IQCH: variants seen among roughly 807,000 people sequenced by gnomAD.
The protein encoded by IQCH is IQ domain-containing protein H.
A neutral mutation model predicts 117.0 loss-of-function variants in IQCH; 98 were observed. The ratio of observed to expected loss-of-function variants is 0.84; its 90% CI spans 0.71 to 0.99. The LOEUF is 0.99. IQCH is among the 50% of genes least tolerant of loss of function. IQCH has a pLI of 0.00. For synonymous variants in IQCH, 412 were observed against 448.2 expected, an observed-to-expected ratio of 0.92 and a Z score of 1.02; for missense variants, 1,102 against 1,243.8, an observed-to-expected ratio of 0.89 and a Z score of 1.72.
chr15:67,313,249 C>T (rs28376286), intron 4 of IQCH, among the ~76,000 whole-genome samples: 95 of 152,162 alleles, frequency 6.2e-4, no homozygotes, highest in African/African-American at 2.1e-3. Flanking sequence ...TAGAAAGAGC[C>T]GTAGATGGAG....
intron 4 of IQCH, among the ~76,000 whole-genome samples, chr15:67,293,373 C>T (rs1427756191): frequency 6.6e-6 from 1 of 152,034 alleles, no homozygotes; most frequent in Admixed American, 6.6e-5. Flanking sequence ...CCATGATCTC[C>T]CTTGGATACT....
intron 4 of IQCH, among the ~76,000 whole-genome samples, chr15:67,334,112 A>G (rs2140648531): frequency 6.6e-6 from 1 of 152,318 alleles, no homozygotes; most frequent in East Asian, 1.9e-4. Context: ...TAAAGTTCTG[A>G]ATTCCAGTTG....
rs574870380 is a variant in IQCH, at chr15:67,416,761, A to C, written c.2098-170A>C. Among the ~76,000 whole-genome samples the C allele has an allele frequency of 1.3e-5, 2 of 152,232 alleles. No individual in the cohort carries two copies. Among genetic ancestry groups the C allele is most frequent in the African/African-American group, 4.8e-5 (2 of 41,554 alleles). On this transcript the variant is annotated intron_variant, in intron 14 of 20. Coordinates refer to ENST00000335894, the MANE Select transcript of IQCH (RefSeq NM_001031715.3). This position sits in a 1 kb window ranked among gnomAD's most constrained non-coding sequence, Gnocchi z 5.1. ...GCCAAATCACTTTTGAAATATGAAA[A>C]CTGAAATGGCTGAAAAAAGAGAGAA...
chr15:67,373,579 C>T (rs765340234), intron 10 of IQCH, 146 bp downstream of exon 10: 21 of 699,160 alleles, frequency 3.0e-5, no homozygotes, highest in Non-Finnish European at 4.9e-5. Context: ...AGTAATAACA[C>T]AGGACCCTCG....
intron 4 of IQCH, among the ~76,000 whole-genome samples, chr15:67,288,708 GT>G (rs1567067621): frequency 6.6e-6 from 1 of 152,072 alleles, no homozygotes. Flanking sequence ...GCCACTCTGT[GT>G]CTTTTGATTG....
intron 4 of IQCH, among the ~76,000 whole-genome samples, chr15:67,321,879 G>A (rs1431585884): frequency 1.3e-5 from 2 of 152,074 alleles, no homozygotes; most frequent in African/African-American, 4.8e-5. Context: ...TTATTTTATG[G>A]CCTAGGACAT....
At position 67,436,162 on chromosome 15, in the gene IQCH, TC is replaced by T. The variant is rs549828973; in HGVS notation, c.2505+14586del. ...ACACACAAGCTTGATGGCTCCATAT[TC>T]AATAAATGTATTATCGAGACCCACT... is the stretch of plus-strand genomic sequence containing the variant. On this transcript the variant is annotated intron_variant, in intron 16 of 20. Transcript: ENST00000335894. The surrounding 1 kb of genome is among the most constrained non-coding windows in gnomAD (Gnocchi z 5.1). Among the ~76,000 whole-genome samples, 939 of 152,218 alleles carry T rather than the reference TC, an allele frequency of 6.2e-3. 5 individuals carry two copies. Among genetic ancestry groups the T allele is most frequent in the Non-Finnish European group, 0.01 (697 of 68,016 alleles).
chr15:67,368,276 G>C (rs1970404297), intron 8 of IQCH, among the ~76,000 whole-genome samples: 1 of 152,168 alleles, frequency 6.6e-6, no homozygotes, highest in African/African-American at 2.4e-5. Context: ...TAAAATTCAG[G>C]CCTGTGACTA....
At chr15:67,259,703 G>T (rs1289063965) in intron 1 of IQCH, among the ~76,000 whole-genome samples, 1 of 152,220 alleles carries the variant, frequency 6.6e-6, no homozygotes, top group East Asian at 1.9e-4. Flanking sequence ...TTCAAAGGAG[G>T]AACCAAAAAA....
chr15:67,319,784 GA>G (rs1254476701), intron 4 of IQCH, among the ~76,000 whole-genome samples: 1 of 152,114 alleles, frequency 6.6e-6, no homozygotes, highest in African/African-American at 2.4e-5. Context: ...GGCTCTTTCA[GA>G]ATTTGAAGAT....
rs138337530 is a variant in IQCH at position 67,286,473 on chromosome 15, A to C, written c.387+6961A>C. ...GCCAGGACTTCCCATTCTGTGTTGA[A>C]TAACAGTGGTGAAAGTGGGCGTCCT... On this transcript the variant is annotated intron_variant, in intron 4 of 20. Transcript: ENST00000335894. Among the ~76,000 whole-genome samples, 254 of 152,288 alleles carry C rather than the reference A, an allele frequency of 1.7e-3. 3 individuals carry two copies. The highest frequency in any genetic ancestry group is 0.014 in the East Asian group (74 of 5,190).
intron 12 of IQCH, among the ~76,000 whole-genome samples, chr15:67,394,326 T>C (rs1401023791): frequency 1.3e-5 from 2 of 152,166 alleles, no homozygotes; most frequent in African/African-American, 4.8e-5. Flanking sequence ...TCTCATTTAA[T>C]CCTTACAGCA....
chr15:67,460,849 G>A (rs550056201), intron 16 of IQCH, among the ~76,000 whole-genome samples: 1 of 152,264 alleles, frequency 6.6e-6, no homozygotes, highest in African/African-American at 2.4e-5. Flanking sequence ...AACCTTCAGT[G>A]ATATTTTTCC....
chr15:67,378,004 G>A (rs1344300690), intron 10 of IQCH, among the ~76,000 whole-genome samples: 2 of 152,064 alleles, frequency 1.3e-5, no homozygotes, highest in Non-Finnish European at 2.9e-5. Context: ...CAGCTCATGT[G>A]TACTTTCACA....
intron 16 of IQCH, among the ~76,000 whole-genome samples, chr15:67,434,851 C>T (rs1596368669): frequency 6.8e-6 from 1 of 147,952 alleles, no homozygotes; most frequent in East Asian, 2.0e-4. Flanking sequence ...TGGCGTGGCT[C>T]ACTGCAACCT....
Position 67,490,504 on chromosome 15 carries a change from T to G in IQCH, c.2861+440T>G, listed in dbSNP as rs961904810. Among the ~76,000 whole-genome samples, 34 of 152,154 alleles carry G rather than the reference T, an allele frequency of 2.2e-4. No homozygotes were observed. The highest frequency in any genetic ancestry group is 2.6e-4 in the Non-Finnish European group (18 of 68,018). On this transcript the variant is annotated intron_variant, in intron 19 of 20. Coordinates refer to ENST00000335894, the MANE Select transcript of IQCH (RefSeq NM_001031715.3). This position sits in a 1 kb window ranked among gnomAD's most constrained non-coding sequence, Gnocchi z 4.9. ...CAGGCCTGAGCCACTGCGCCCAGCC[T>G]AGGTATTTTATAAAATGACTTTAGA...
Position 67,453,969 on chromosome 15 carries a change from C to G in IQCH, c.2506-11158C>G, listed in dbSNP as rs935621007. ...CCAGCCTCGCTGCCGCCTTGCAGTT[C>G]GATCTGGGACTGCTGTGCTAGCAAT... On this transcript the variant is annotated intron_variant, in intron 16 of 20. Transcript: ENST00000335894. The surrounding 1 kb of genome is among the most constrained non-coding windows in gnomAD (Gnocchi z 5.8). Among the ~76,000 whole-genome samples, 3 of 152,208 alleles carry G rather than the reference C, an allele frequency of 2.0e-5. No individual in the cohort carries two copies. The highest frequency in any genetic ancestry group is 7.2e-5 in the African/African-American group (3 of 41,456).
intron 15 of IQCH, among the ~76,000 whole-genome samples, chr15:67,418,513 C>CCACACA (rs368875296): frequency 0.13 from 15,051 of 113,908 alleles, 1,269 homozygotes; most frequent in African/African-American, 0.21. Context: ...CAAGTGGCTA[C>CCACACA]CACACACACA....
In IQCH at chr15:67,474,925, A is replaced by G. The variant is rs796637555; in HGVS notation, c.2677-771A>G. 1.3e-5 allele frequency among the ~76,000 whole-genome samples: 2 copies of G among 152,210 alleles called. No individual in the cohort carries two copies. Among genetic ancestry groups the G allele is most frequent in the South Asian group, 2.1e-4 (1 of 4,830 alleles). ...CACGTGGTCTTCCTCTCAAAAACAC[A>G]TTACTACAGTCTAATCAGGAGAAAA... On this transcript the variant is annotated intron_variant, in intron 17 of 20. Coordinates refer to ENST00000335894, the MANE Select transcript of IQCH (RefSeq NM_001031715.3). This position sits in a 1 kb window ranked among gnomAD's most constrained non-coding sequence, Gnocchi z 4.1.
Sources: allele counts gnomAD v4.1 joint callset (sites outside exome capture counted in the v4.1 genomes callset), GRCh38; gene constraint gnomAD v4.1.1; non-coding constraint Gnocchi (gnomAD v3.1); transcripts MANE v1.5; gene names NCBI Gene and HGNC (gene_info 2026-07-23, HGNC 2026-07-21).